The following CUEDC1 variants were observed in gnomAD, a reference collection of about 807,000 sequenced individuals.
The protein encoded by CUEDC1 is CUE domain containing 1.
A neutral mutation model predicts 43.7 loss-of-function variants in CUEDC1; 30 were observed. The ratio of observed to expected loss-of-function variants is 0.69; its 90% CI spans 0.51 to 0.93. The LOEUF is 0.93. Among genes scored for constraint, CUEDC1 ranks in the 40% least tolerant of loss-of-function variants. The probability of loss-of-function intolerance (pLI) is 0.00; values close to 1 mark genes in which losing one functional copy is unlikely to be tolerated. For missense variants in CUEDC1, 486 were observed against 549.0 expected (o/e 0.89, Z 1.15); for synonymous variants, 223 against 223.6 (o/e 1.00, Z 0.02).
rs980966369 is a variant in CUEDC1 at position 57,954,463 on chromosome 17, G to A, written c.-316+762C>T. 6.6e-6 allele frequency among the ~76,000 whole-genome samples: 1 copy of A among 152,204 alleles called. No homozygotes were observed. The highest frequency in any genetic ancestry group is 1.5e-5 in the Non-Finnish European group (1 of 68,040). ...TTTTTAAGGGGAAAAGAAATGGGCA[G>A]GGCAGTGCTGGGTGTAAGGCGACCA... On this transcript the variant is annotated intron_variant, in intron 1 of 10. Transcript: ENST00000577830. This position sits in a 1 kb window ranked among gnomAD's most constrained non-coding sequence, Gnocchi z 4.3.
chr17:57,913,506 T>C (rs529332293), intron 1 of CUEDC1, among the ~76,000 whole-genome samples: 6 of 152,108 alleles, frequency 3.9e-5, no homozygotes, highest in Non-Finnish European at 7.4e-5. Context: ...TTGTCAATTC[T>C]ACTGAATCAG....
At chr17:57,907,036 C>T (rs548907082) in intron 1 of CUEDC1, among the ~76,000 whole-genome samples, 1 of 151,384 alleles carries the variant, frequency 6.6e-6, no homozygotes, top group Non-Finnish European at 1.5e-5. Flanking sequence ...GGGCACTACT[C>T]GGGCTATTTA....
At chr17:57,920,496 G>C (rs966525210) in intron 1 of CUEDC1, among the ~76,000 whole-genome samples, 4 of 152,174 alleles carry the variant, frequency 2.6e-5, no homozygotes, top group African/African-American at 9.7e-5. Context: ...CATGCAAAAT[G>C]CATTTTTAGA....
chr17:57,952,192 C>T (rs1013046156), intron 1 of CUEDC1, among the ~76,000 whole-genome samples: 1 of 151,264 alleles, frequency 6.6e-6, no homozygotes, highest in African/African-American at 2.4e-5. Context: ...CAATGCCCTT[C>T]ATTTTATTTT....
At chr17:57,948,466 A>G (rs1279021185) in intron 1 of CUEDC1, among the ~76,000 whole-genome samples, 1 of 152,176 alleles carries the variant, frequency 6.6e-6, no homozygotes, top group African/African-American at 2.4e-5. Flanking sequence ...TGGCTCACTC[A>G]TTCATGGATG....
intron 1 of CUEDC1, among the ~76,000 whole-genome samples, chr17:57,913,145 G>A (rs955034262): frequency 3.3e-5 from 5 of 151,980 alleles, no homozygotes; most frequent in African/African-American, 4.8e-5. Flanking sequence ...GGCCAACATG[G>A]TAAAACCCCG....
At chr17:57,877,063 C>G (rs1321632978) in intron 3 of CUEDC1, among the ~76,000 whole-genome samples, 2 of 152,126 alleles carry the variant, frequency 1.3e-5, no homozygotes, top group African/African-American at 4.8e-5. Context: ...GAGAACAGAC[C>G]GCTTCTGTCT....
At chr17:57,867,974 G>C (rs1344299886) in intron 8 of CUEDC1, among the ~76,000 whole-genome samples, 176 bp downstream of exon 8, 2 of 152,230 alleles carry the variant, frequency 1.3e-5, no homozygotes, top group Non-Finnish European at 2.9e-5. Context: ...TTGGCAACGA[G>C]AGACGGGCAG....
intron 1 of CUEDC1, chr17:57,892,708 G>A (rs1245508329): frequency 6.6e-6 from 1 of 152,434 alleles, no homozygotes; most frequent in African/African-American, 2.4e-5. Context: ...AAGGGCCAGA[G>A]TGGCTTTTCT....
In CUEDC1 at chr17:57,871,442, C is replaced by T. The variant is rs566369257; in HGVS notation, c.785-73G>A. ...CCCAGGGGCAGGCTGGGCTGGGACACGGTAGTTTGCTAGAGGCTAAGTCCC... is the reference window on the plus strand; with the variant it reads ...CCCAGGGGCAGGCTGGGCTGGGACATGGTAGTTTGCTAGAGGCTAAGTCCC... On this transcript the variant is annotated intron_variant, in intron 5 of 10. Transcript: ENST00000577830. The T allele has an allele frequency of 1.6e-4, 206 of 1,280,574 alleles. No individual in the cohort carries two copies. In the African/African-American group the frequency reaches 2.5e-3, roughly 16 times the overall value. The allele number at this position is 1,280,574 out of a possible 1,614,324, so 79.3% of individuals were successfully genotyped here.
rs146469576 is a variant in CUEDC1, at chr17:57,910,652, G to T, written c.-315-24773C>A. Among the ~76,000 whole-genome samples the T allele has an allele frequency of 3.3e-4, 49 of 150,300 alleles. No homozygotes were observed. In the East Asian group the frequency reaches 8.8e-3, roughly 27 times the overall value. On this transcript the variant is annotated intron_variant, in intron 1 of 10. Transcript: ENST00000577830. ...AAAGGGAAAGGGAAAGAAAGGAAAG[G>T]AAAAAAGAGAAGAAAAGAAAAAAGA... is the stretch of plus-strand genomic sequence containing the variant.
chr17:57,949,063 C>CTTAG (rs942467584), intron 1 of CUEDC1, among the ~76,000 whole-genome samples: 1 of 152,228 alleles, frequency 6.6e-6, no homozygotes, highest in Admixed American at 6.5e-5. Flanking sequence ...CACACCGCTA[C>CTTAG]TTAGCTCTAC....
intron 10 of CUEDC1, among the ~76,000 whole-genome samples, chr17:57,864,000 CAAAAA>C (rs71365846): frequency 2.4e-5 from 2 of 82,570 alleles, no homozygotes; most frequent in African/African-American, 1.1e-4. Context: ...GACTCCATCT[CAAAAA>C]AAAAAAAAAA....
At position 57,862,870 on chromosome 17, in the gene CUEDC1, G is replaced by C. The variant is rs1386628347; in HGVS notation, c.*419C>G. ...TCTGTGACAGGAGAGATAGAGAACGGACGGAGGCAGAGACTCCACCTTCAG... is the reference window on the plus strand; with the variant it reads ...TCTGTGACAGGAGAGATAGAGAACGCACGGAGGCAGAGACTCCACCTTCAG... On this transcript the variant is annotated 3_prime_UTR_variant, in exon 11 of 11. Transcript: ENST00000577830. 1 of 152,308 alleles carries C rather than the reference G, an allele frequency of 6.6e-6. No homozygotes were observed. The allele number at this position is 152,308 out of a possible 1,614,324, so 9.4% of individuals were successfully genotyped here.
intron 2 of CUEDC1, among the ~76,000 whole-genome samples, chr17:57,880,132 G>A (rs943837113): frequency 1.3e-5 from 2 of 152,208 alleles, no homozygotes; most frequent in Non-Finnish European, 2.9e-5. Flanking sequence ...GGGGATGATG[G>A]TTATTGAGCT....
At chr17:57,873,002 G>C (rs17762330) in intron 4 of CUEDC1, 147 bp from the exon 5 acceptor site, 1 of 746,714 alleles carries the variant, frequency 1.3e-6, no homozygotes. Context: ...ACCTGGTTGC[G>C]AGCCAAAATC....
At chr17:57,872,257 C>T (rs113749725) in intron 5 of CUEDC1, among the ~76,000 whole-genome samples, 10 of 152,390 alleles carry the variant, frequency 6.6e-5, no homozygotes, top group Admixed American at 2.0e-4. Flanking sequence ...GAGCCTCCCC[C>T]GCCCTGGCCT....
intron 8 of CUEDC1, 140 bp downstream of exon 8, chr17:57,868,010 G>A (rs2073984332): frequency 2.9e-6 from 2 of 695,508 alleles, no homozygotes; most frequent in East Asian, 2.7e-5. Flanking sequence ...GCTCATGGAG[G>A]AGAGGGGAGG....
At chr17:57,927,185 C>CA (rs1435286006) in intron 1 of CUEDC1, among the ~76,000 whole-genome samples, 1 of 152,108 alleles carries the variant, frequency 6.6e-6, no homozygotes, top group African/African-American at 2.4e-5. Flanking sequence ...TGGAGGGTGC[C>CA]AATGGGTTTC....
Sources: allele counts gnomAD v4.1 joint callset (sites outside exome capture counted in the v4.1 genomes callset), GRCh38; gene constraint gnomAD v4.1.1; non-coding constraint Gnocchi (gnomAD v3.1); transcripts MANE v1.5; gene names NCBI Gene and HGNC (gene_info 2026-07-23, HGNC 2026-07-21).